Variants in SLC35F3 observed in about 807,000 individuals in gnomAD.
The protein encoded by SLC35F3 is putative thiamine transporter SLC35F3.
Under a neutral mutation model 49.9 loss-of-function variants are expected in SLC35F3, and 25 were observed. The ratio of observed to expected loss-of-function variants is 0.50; its 90% CI spans 0.37 to 0.70. SLC35F3 has a LOEUF of 0.70. Ranked by LOEUF, SLC35F3 falls within the 30% of genes least tolerant of loss-of-function variation. The pLI, the probability that SLC35F3 is intolerant of heterozygous loss-of-function variation, is 0.00. For synonymous variants in SLC35F3, 275 were observed against 265.4 expected (o/e 1.04, Z -0.35); for missense variants, 525 against 639.8 (o/e 0.82, Z 1.94).
At chr1:233,975,301 A>G (rs1271594582) in intron 2 of SLC35F3, among the ~76,000 whole-genome samples, 2 of 152,272 alleles carry the variant, frequency 1.3e-5, no homozygotes, top group Non-Finnish European at 2.9e-5. Flanking sequence ...CTGGAAAGTC[A>G]TAGACCCCTG....
intron 2 of SLC35F3, among the ~76,000 whole-genome samples, chr1:234,211,236 C>T (rs903360711): frequency 9.2e-5 from 14 of 152,218 alleles, no homozygotes; most frequent in African/African-American, 3.4e-4. Flanking sequence ...GGGGTGGCAC[C>T]CTCATGGAGA....
Position 234,050,482 on chromosome 1 carries a change from G to A in SLC35F3, c.283+144724G>A, listed in dbSNP as rs531053778. ...TATCCTTTGCCCACTTTTTGATGGG[G>A]TTGTTTGATTTTTTCCTATAAATTT... On this transcript the variant is annotated intron_variant, in intron 2 of 7. Coordinates refer to ENST00000366618, the MANE Select transcript of SLC35F3 (RefSeq NM_173508.4). 8.5e-5 allele frequency among the ~76,000 whole-genome samples: 13 copies of A among 152,248 alleles called. No individual in the cohort carries two copies. The East Asian group carries it at 2.5e-3, about 29-fold the overall frequency.
intron 3 of SLC35F3, among the ~76,000 whole-genome samples, chr1:234,284,311 G>A (rs988867906): frequency 4.5e-4 from 69 of 152,338 alleles, no homozygotes; most frequent in African/African-American, 1.6e-3. Context: ...GCTAGGAGGT[G>A]ATAAGGGCAG....
rs547917939 is a variant in SLC35F3, at chr1:234,205,520, TCC to T, written c.284-25895_284-25894del. Among the ~76,000 whole-genome samples, 1,055 of 152,236 alleles carry T rather than the reference TCC, an allele frequency of 6.9e-3. 11 individuals are homozygous for T. Among genetic ancestry groups the T allele is most frequent in the African/African-American group, 0.024 (999 of 41,522 alleles). On this transcript the variant is annotated intron_variant, in intron 2 of 7. Coordinates refer to ENST00000366618, the MANE Select transcript of SLC35F3 (RefSeq NM_173508.4). ...AGGAATGCTGGAGTTGTACTTGAAC[TCC>T]CTCCCACTTGGAGAATCTAGGCTTG...
chr1:233,995,623 C>T (rs1018251438), intron 2 of SLC35F3, among the ~76,000 whole-genome samples: 3 of 152,158 alleles, frequency 2.0e-5, no homozygotes, highest in African/African-American at 7.2e-5. Context: ...TGACTTCACG[C>T]GGAGGCTTTT....
chr1:234,200,639 C>T (rs1666888966), intron 2 of SLC35F3, among the ~76,000 whole-genome samples: 1 of 152,068 alleles, frequency 6.6e-6, no homozygotes, highest in Non-Finnish European at 1.5e-5. Flanking sequence ...TTCCTAAAGG[C>T]ACAATTTCCT....
At position 234,155,395 on chromosome 1, in the gene SLC35F3, G is replaced by GATTATTATT. The variant is rs71583784; in HGVS notation, c.284-76003_284-75995dup. On this transcript the variant is annotated intron_variant, in intron 2 of 7. Coordinates refer to ENST00000366618, the MANE Select transcript of SLC35F3 (RefSeq NM_173508.4). The stretch of plus-strand genomic sequence containing the variant: ...TCTAAGTGAAAACTGCTATTCACCT[G>GATTATTATT]ATTATTATTATTATTATTATTATTA... Among the ~76,000 whole-genome samples, 1,163 of 149,324 alleles carry GATTATTATT rather than the reference G, an allele frequency of 7.8e-3. 16 individuals carry two copies. The highest frequency in any genetic ancestry group is 0.027 in the African/African-American group (1,079 of 40,102).
In SLC35F3 at chr1:234,309,105, T is replaced by A. The variant is rs1657285770; in HGVS notation, c.613T>A (p.Cys205Ser). The A allele has an allele frequency of 2.5e-6, 4 of 1,613,798 alleles. No individual in the cohort carries two copies. In the South Asian group the frequency reaches 3.3e-5, roughly 13 times the overall value. ...KQSVKQRYRECCRFFGDNGLT... is the reference protein window; with the variant it reads ...KQSVKQRYRESCRFFGDNGLT... ...GCCTCTCTTTCCTTGTTTTAGGGAA[T>A]GCTGTCGATTTTTTGGAGACAATGG... Residue 205 changes from cysteine to serine, a missense_variant, in exon 4 of 8, where the codon TGC becomes AGC. By Grantham distance (112) the Cys-to-Ser change is moderately radical (BLOSUM62 -1). Around this residue, in one of 4 missense-constraint regions of SLC35F3, gnomAD observed 216 missense variants for 298.1 expected, o/e 0.72. Coordinates refer to ENST00000366618, the MANE Select transcript of SLC35F3 (RefSeq NM_173508.4).
At chr1:234,265,757 C>A (rs996489948) in intron 3 of SLC35F3, among the ~76,000 whole-genome samples, 8 of 152,146 alleles carry the variant, frequency 5.3e-5, no homozygotes, top group Non-Finnish European at 8.8e-5. Flanking sequence ...CCTGTAGTGC[C>A]CCCACCACAT....
At chr1:233,994,554 C>T (rs1364702276) in intron 2 of SLC35F3, among the ~76,000 whole-genome samples, 2 of 152,210 alleles carry the variant, frequency 1.3e-5, no homozygotes, top group Non-Finnish European at 2.9e-5. Context: ...AGGCAGTCTG[C>T]CTTGTTCCTT....
intron 3 of SLC35F3, among the ~76,000 whole-genome samples, chr1:234,243,553 T>A (rs1263653407): frequency 6.6e-6 from 1 of 152,218 alleles, no homozygotes; most frequent in African/African-American, 2.4e-5. Flanking sequence ...GAGGGACACA[T>A]GTAAACGTGC....
At chr1:234,117,502 A>G (rs12743174) in intron 2 of SLC35F3, among the ~76,000 whole-genome samples, 20,801 of 151,308 alleles carry the variant, frequency 0.14, 3,115 homozygotes, top group East Asian at 0.81. Flanking sequence ...TGAGGCACGA[A>G]AATCACTTGA....
intron 3 of SLC35F3, among the ~76,000 whole-genome samples, chr1:234,292,433 C>A (rs767608127): frequency 6.6e-6 from 1 of 152,218 alleles, no homozygotes; most frequent in African/African-American, 2.4e-5. Context: ...TCAAGGTCAT[C>A]GCCAATGTCT....
intron 2 of SLC35F3, among the ~76,000 whole-genome samples, chr1:233,928,581 AGTT>A (rs1662196454): frequency 6.6e-6 from 1 of 152,116 alleles, no homozygotes; most frequent in Non-Finnish European, 1.5e-5. Flanking sequence ...TAGTTCAGAT[AGTT>A]GTTGAAAATA....
intron 2 of SLC35F3, among the ~76,000 whole-genome samples, chr1:234,111,929 G>A (rs1665413016): frequency 6.6e-6 from 1 of 152,194 alleles, no homozygotes; most frequent in Non-Finnish European, 1.5e-5. Context: ...AGGATCCTGG[G>A]GGAGACAAGC....
At chr1:233,989,581 G>C (rs1663320843) in intron 2 of SLC35F3, among the ~76,000 whole-genome samples, 1 of 152,044 alleles carries the variant, frequency 6.6e-6, no homozygotes, top group Non-Finnish European at 1.5e-5. Flanking sequence ...AAAGGAACTG[G>C]TGATTCATAG....
chr1:234,258,802 G>C (rs1667859026), intron 3 of SLC35F3, among the ~76,000 whole-genome samples: 1 of 152,244 alleles, frequency 6.6e-6, no homozygotes, highest in Admixed American at 6.5e-5. Context: ...GTCTGGGTCA[G>C]TACAAGCCAA....
At position 234,101,598 on chromosome 1, in the gene SLC35F3, A is replaced by G. The variant is rs183291982; in HGVS notation, c.284-129819A>G. Among the ~76,000 whole-genome samples the G allele has an allele frequency of 3.9e-5, 6 of 152,358 alleles. No individual in the cohort carries two copies. In the East Asian group the frequency reaches 1.2e-3, roughly 29 times the overall value. Reference sequence around the variant, plus strand: ...AAGCATACGAAATGGTTCTTGGCTCACAGTAAGTGCTTAAAAAATGTTGGT... The same window carrying G: ...AAGCATACGAAATGGTTCTTGGCTCGCAGTAAGTGCTTAAAAAATGTTGGT... On this transcript the variant is annotated intron_variant, in intron 2 of 7. Transcript: ENST00000366618.
At chr1:234,033,857 A>G (rs1664102598) in intron 2 of SLC35F3, among the ~76,000 whole-genome samples, 2 of 152,194 alleles carry the variant, frequency 1.3e-5, no homozygotes, top group South Asian at 2.1e-4. Context: ...TTGGTTCCAT[A>G]TGAACTTTAG....
Sources: gnomAD v4.1 joint callset for allele counts (sites outside exome capture counted in the v4.1 genomes callset) on GRCh38, gnomAD v4.1.1 for gene constraint, gnomAD v4.1.1 regional missense constraint, MANE v1.5 for transcripts, NCBI Gene and HGNC (gene_info 2026-07-23, HGNC 2026-07-21) for gene names.